The following NELL1 variants were observed in gnomAD, a reference collection of about 807,000 sequenced individuals.
The protein encoded by NELL1 is protein kinase C-binding protein NELL1.
NELL1 carries 76 observed loss-of-function variants against 107.4 expected under a neutral mutation model. That is an observed-to-expected ratio of 0.71 (90% CI 0.59 to 0.86). The LOEUF (loss-of-function observed/expected upper bound fraction) is 0.86, where lower values mean the gene tolerates loss of function less well. Ranked by LOEUF, NELL1 falls within the 40% of genes least tolerant of loss-of-function variation. The pLI is 0.00. For missense variants in NELL1, 1,024 were observed against 1,005.5 expected, an observed-to-expected ratio of 1.02 and a Z score of -0.25; for synonymous variants, 353 against 341.2, an observed-to-expected ratio of 1.03 and a Z score of -0.38.
Position 20,947,408 on chromosome 11 carries a change from G to A in NELL1, c.1144G>A (p.Glu382Lys), listed in dbSNP as rs144697916. 5.0e-6 allele frequency: 8 copies of A among 1,614,038 alleles called. No homozygotes were observed. Among genetic ancestry groups the A allele is most frequent in the Non-Finnish European group, 6.8e-6 (8 of 1,179,944 alleles). Residue 382 changes from glutamate (E) to lysine (K), a missense_variant, in exon 11 of 20, where the codon GAG becomes AAG. Coordinates refer to ENST00000357134, the MANE Select transcript of NELL1 (RefSeq NM_006157.5). ...CTCAGAAAAGGATCACATTCTTCCT[G>A]AGAATCAGTGCTGCCGTGTCTGTAG... ...NCSEKDHILP[E>K]NQCCRVCRGH...
At chr11:21,229,746 G>A (rs574487421) in intron 14 of NELL1, among the ~76,000 whole-genome samples, 25 of 152,238 alleles carry the variant, frequency 1.6e-4, no homozygotes, top group Non-Finnish European at 2.8e-4. Context: ...CTTGGATTGC[G>A]GATATTGGCT....
At chr11:21,111,150 TCA>T (rs1242767031) in intron 12 of NELL1, among the ~76,000 whole-genome samples, 4 of 152,126 alleles carry the variant, frequency 2.6e-5, no homozygotes, top group African/African-American at 9.7e-5. Context: ...TCTGACTCTC[TCA>T]GAGTAGGTCA....
intron 2 of NELL1, among the ~76,000 whole-genome samples, chr11:20,699,174 A>G (rs1854703822): frequency 6.6e-6 from 1 of 151,498 alleles, no homozygotes; most frequent in Non-Finnish European, 1.5e-5. Context: ...TGGAGATCGT[A>G]CCACTGTACT....
intron 15 of NELL1, among the ~76,000 whole-genome samples, chr11:21,521,697 G>A (rs1232662843): frequency 6.6e-6 from 1 of 152,036 alleles, no homozygotes. Context: ...GTTTTTCATA[G>A]AGGCTGTTCT....
chr11:20,800,846 G>T (rs1857267621), intron 3 of NELL1, among the ~76,000 whole-genome samples: 1 of 152,152 alleles, frequency 6.6e-6, no homozygotes. Context: ...ATCCTGTCTG[G>T]ATTTGTTAAT....
intron 14 of NELL1, among the ~76,000 whole-genome samples, chr11:21,245,582 C>A (rs576917851): frequency 6.6e-6 from 1 of 152,294 alleles, no homozygotes; most frequent in African/African-American, 2.4e-5. Flanking sequence ...TCTGTCCTGG[C>A]ATTTATTCAC....
chr11:21,015,671 T>C (rs1046354350), intron 12 of NELL1, among the ~76,000 whole-genome samples: 23 of 151,728 alleles, frequency 1.5e-4, no homozygotes, highest in Non-Finnish European at 1.2e-4. Context: ...GACTTTTTTT[T>C]CCCTCCTCTA....
rs867593019 is a variant in NELL1 at position 21,060,501 on chromosome 11, C to T, written c.1301-53088C>T. On this transcript the variant is annotated intron_variant, in intron 12 of 19. Transcript: ENST00000357134. Reference sequence around the variant, plus strand: ...TGTATGTTTCTATATAACATTGCAACCTAGTTCTCATTATACTTGCTGACA... The same window carrying T: ...TGTATGTTTCTATATAACATTGCAATCTAGTTCTCATTATACTTGCTGACA... Among the ~76,000 whole-genome samples the T allele has an allele frequency of 4.6e-5, 7 of 152,132 alleles. No homozygotes were observed. The South Asian group carries it at 6.2e-4, about 14-fold the overall frequency.
chr11:21,172,924 G>GTC (rs1856637435), intron 13 of NELL1, among the ~76,000 whole-genome samples: 1 of 148,912 alleles, frequency 6.7e-6, no homozygotes, highest in Non-Finnish European at 1.5e-5. Flanking sequence ...GTGTCTGTCT[G>GTC]TGTGTGTGTG....
intron 14 of NELL1, among the ~76,000 whole-genome samples, chr11:21,264,088 G>GTGTGTGTGTT (rs1355186386): frequency 6.6e-6 from 1 of 151,376 alleles, no homozygotes; most frequent in African/African-American, 2.4e-5. Context: ...GTGTGTGTGT[G>GTGTGTGTGTT]TGTGTGTGTT....
At chr11:20,966,259 A>T (rs1292974176) in intron 12 of NELL1, among the ~76,000 whole-genome samples, 2 of 152,138 alleles carry the variant, frequency 1.3e-5, no homozygotes, top group African/African-American at 4.8e-5. Context: ...CACAGGTGAA[A>T]GGCAGAAGAG....
chr11:21,378,332 T>C (rs1276067040), intron 15 of NELL1, among the ~76,000 whole-genome samples: 1 of 151,170 alleles, frequency 6.6e-6, no homozygotes, highest in Non-Finnish European at 1.5e-5. Flanking sequence ...ATATGAAAAT[T>C]ATAAGCTTTT....
At chr11:21,145,707 C>T (rs1045695856) in intron 13 of NELL1, among the ~76,000 whole-genome samples, 34 of 152,050 alleles carry the variant, frequency 2.2e-4, no homozygotes, top group African/African-American at 8.0e-4. Context: ...GTTCTGGGGG[C>T]CCGTCCTTAA....
At chr11:21,272,354 G>A (rs1848757666) in intron 14 of NELL1, among the ~76,000 whole-genome samples, 1 of 152,230 alleles carries the variant, frequency 6.6e-6, no homozygotes, top group African/African-American at 2.4e-5. Context: ...GAGGCCGGGG[G>A]AGGGGGCGCC....
chr11:20,783,370 A>C (rs58761043), intron 2 of NELL1, among the ~76,000 whole-genome samples: 75 of 152,012 alleles, frequency 4.9e-4, no homozygotes, highest in African/African-American at 1.8e-3. Context: ...CCAGAAAATC[A>C]CTGTCTGGCC....
At chr11:21,525,092 ATGTTAACAGATGGGTTC>A (rs1162662974) in intron 15 of NELL1, among the ~76,000 whole-genome samples, 1 of 152,192 alleles carries the variant, frequency 6.6e-6, no homozygotes, top group Admixed American at 6.5e-5. Flanking sequence ...GAGAGTTGAA[ATGTTAACAGATGGGTTC>A]TTTTAGGAAG....
At chr11:21,166,984 T>C (rs1020744895) in intron 13 of NELL1, among the ~76,000 whole-genome samples, 1 of 151,906 alleles carries the variant, frequency 6.6e-6, no homozygotes, top group Non-Finnish European at 1.5e-5. Context: ...CTACACTGTA[T>C]ATTTATTAGG....
chr11:20,956,225 A>C (rs1214053865), intron 11 of NELL1, among the ~76,000 whole-genome samples: 1 of 151,938 alleles, frequency 6.6e-6, no homozygotes, highest in African/African-American at 2.4e-5. Context: ...TCTCAAAACA[A>C]AACAAAACAA....
chr11:20,889,433 G>A (rs1849572993), intron 5 of NELL1, among the ~76,000 whole-genome samples: 1 of 152,166 alleles, frequency 6.6e-6, no homozygotes, highest in African/African-American at 2.4e-5. Flanking sequence ...GACATTAGTA[G>A]AGAAATGAAA....
Sources: gnomAD v4.1 joint callset for allele counts (sites outside exome capture counted in the v4.1 genomes callset) on GRCh38, gnomAD v4.1.1 for gene constraint, MANE v1.5 for transcripts, NCBI Gene and HGNC (gene_info 2026-07-23, HGNC 2026-07-21) for gene names.